The following ASXL1 variants were observed in gnomAD, a reference collection of about 807,000 sequenced individuals.
ASXL1 encodes the protein polycomb group protein ASXL1.
A neutral mutation model predicts 89.1 loss-of-function variants in ASXL1; 65 were observed. The ratio of observed to expected loss-of-function variants is 0.73; its 90% CI spans 0.60 to 0.90. ASXL1 has a LOEUF of 0.90. Ranked by LOEUF, ASXL1 falls within the 40% of genes least tolerant of loss-of-function variation. The pLI is 0.00. For synonymous variants in ASXL1, 739 were observed against 746.9 expected (o/e 0.99, Z 0.17); for missense variants, 1,786 against 1,942.9 (o/e 0.92, Z 1.52).
In ASXL1 at chr20:32,435,237, A is replaced by G. The variant is rs367751731; in HGVS notation, c.2525A>G (p.Asn842Ser). The change falls in exon 13 of 13, where the codon AAT becomes AGT. Residue 842 changes from asparagine (N) to serine (S), a missense_variant. By Grantham distance (46) the Asn-to-Ser change is conservative. This residue lies in a region of ASXL1 where 1,418 missense variants were observed against 1,427.8 expected (regional missense o/e 0.99). Transcript: ENST00000375687. ...DSHPTMKDPV[N>S]VTPSSTPESS... The stretch of plus-strand genomic sequence containing the variant: ...CATCCCACTATGAAGGATCCTGTAA[A>G]TGTGACCCCCAGTTCCACACCTGAA... 6 of 1,613,898 alleles carry G rather than the reference A, an allele frequency of 3.7e-6. No homozygotes were observed. Among genetic ancestry groups the G allele is most frequent in the South Asian group, 3.3e-5 (3 of 91,086 alleles).
chr20:32,423,917 G>T (rs367621566), intron 4 of ASXL1, among the ~76,000 whole-genome samples: 1 of 152,300 alleles, frequency 6.6e-6, no homozygotes, highest in African/African-American at 2.4e-5. Context: ...AAATTATGCA[G>T]TATTAGAATA....
intron 4 of ASXL1, among the ~76,000 whole-genome samples, chr20:32,392,982 T>C (rs1227127692): frequency 6.6e-6 from 1 of 152,210 alleles, no homozygotes; most frequent in Non-Finnish European, 1.5e-5. Flanking sequence ...GTTGATTGGC[T>C]TGTTGATTGA....
At chr20:32,372,883 G>T (rs1242690075) in intron 4 of ASXL1, among the ~76,000 whole-genome samples, 2 of 150,034 alleles carry the variant, frequency 1.3e-5, no homozygotes, top group African/African-American at 2.5e-5. Context: ...GTGAGCCACC[G>T]CGCCCAGCCT....
At chr20:32,404,217 C>T (rs868135117) in intron 4 of ASXL1, among the ~76,000 whole-genome samples, 1 of 152,148 alleles carries the variant, frequency 6.6e-6, no homozygotes, top group African/African-American at 2.4e-5. Context: ...TCTGCCTCCA[C>T]GAGATCAACT....
At position 32,422,510 on chromosome 20, in the gene ASXL1, CTTAAT is replaced by C. The variant is rs2049275385; in HGVS notation, c.253-5616_253-5612del. ...GTCTTGAAATTTGCTGAGAGTAGAT[CTTAAT>C]TGTCTTCACACTCCCCATCTCACAC... On this transcript the variant is annotated intron_variant, in intron 4 of 12. Transcript: ENST00000375687. 2.8e-5 allele frequency among the ~76,000 whole-genome samples: 4 copies of C among 142,670 alleles called. No individual in the cohort carries two copies. The South Asian group carries it at 9.7e-4, about 34-fold the overall frequency. 93.6% of individuals were successfully genotyped at this position (142,670 alleles called of 152,430 possible). A position where few individuals can be genotyped will look rare whatever the true frequency, so the allele number is the denominator to read the frequency against.
At chr20:32,368,950 G>A (rs2048249918) in intron 3 of ASXL1, 65 bp from the exon 4 acceptor site, 5 of 1,345,458 alleles carry the variant, frequency 3.7e-6, no homozygotes, top group South Asian at 1.2e-5. Flanking sequence ...TGAGTTGGAG[G>A]GATTAGGTCT....
Position 32,413,891 on chromosome 20 carries a change from C to T in ASXL1, c.253-14237C>T, listed in dbSNP as rs62206929. Among the ~76,000 whole-genome samples, 1,447 of 152,264 alleles carry T rather than the reference C, an allele frequency of 9.5e-3. 14 individuals carry two copies. Among genetic ancestry groups the T allele is most frequent in the African/African-American group, 0.023 (948 of 41,564 alleles). The stretch of plus-strand genomic sequence containing the variant: ...AATACATTTATGTAGAGCAGATTGA[C>T]GTAGAGTTGCTTCTAGAGAACAGGT... On this transcript the variant is annotated intron_variant, in intron 4 of 12. Coordinates refer to ENST00000375687, the MANE Select transcript of ASXL1 (RefSeq NM_015338.6).
intron 11 of ASXL1, 95 bp from the exon 12 acceptor site, chr20:32,433,189 C>T (rs146599654): frequency 6.4e-7 from 1 of 1,574,700 alleles, no homozygotes; most frequent in Non-Finnish European, 8.6e-7. Flanking sequence ...TTATTTTGTT[C>T]TGAGATATCT....
chr20:32,397,997 A>G (rs970478659), intron 4 of ASXL1, among the ~76,000 whole-genome samples: 10 of 152,194 alleles, frequency 6.6e-5, no homozygotes, highest in Non-Finnish European at 1.3e-4. Context: ...AAATTTACCA[A>G]TTGTAGTAGG....
chr20:32,365,391 G>A (rs1396262161), intron 1 of ASXL1, among the ~76,000 whole-genome samples: 2 of 152,156 alleles, frequency 1.3e-5, no homozygotes, highest in Non-Finnish European at 2.9e-5. Flanking sequence ...CTTCCATAGA[G>A]AGTACCTTCC....
At position 32,432,976 on chromosome 20, in the gene ASXL1, A is replaced by G. The variant is rs754808303; in HGVS notation, c.1076A>G (p.Tyr359Cys). The G allele has an allele frequency of 6.8e-6, 11 of 1,613,786 alleles. No individual in the cohort carries two copies. Among genetic ancestry groups the G allele is most frequent in the African/African-American group, 2.7e-5 (2 of 74,948 alleles). ...AAAGAAAAGTTCTTTGAAGACTACT[A>G]TGGACAGAAGTAAGGCAGTTGGAGC... Reference protein sequence around the residue: ...QWKEKFFEDYYGQKLGLTKEE... With the variant: ...QWKEKFFEDYCGQKLGLTKEE... Residue 359 changes from tyrosine (Y) to cysteine (C), a missense_variant, in exon 11 of 13, where the codon TAT becomes TGT. Coordinates refer to ENST00000375687, the MANE Select transcript of ASXL1 (RefSeq NM_015338.6).
In ASXL1 at chr20:32,435,666, T is replaced by C; in HGVS notation, c.2954T>C (p.Ile985Thr). Residue 985 changes from isoleucine (I) to threonine (T), a missense_variant, in exon 13 of 13, where the codon ATC becomes ACC. Coordinates refer to ENST00000375687, the MANE Select transcript of ASXL1 (RefSeq NM_015338.6). Reference sequence around the variant, plus strand: ...CAGGTGGACATTGAAAAGCTGAAAATCAACGGAGACTCTGAAGCACTGAGT... The same window carrying C: ...CAGGTGGACATTGAAAAGCTGAAAACCAACGGAGACTCTGAAGCACTGAGT... ...CQQVDIEKLK[I>T]NGDSEALSPH... is the part of the protein sequence containing the mutation. The C allele has an allele frequency of 6.2e-7, 1 of 1,614,036 alleles. No individual in the cohort carries two copies. The highest frequency in any genetic ancestry group is 1.7e-5 in the Admixed American group (1 of 60,018).
chr20:32,436,678 G>A lies in ASXL1; in HGVS notation c.3966G>A (p.Pro1322=), dbSNP rs147326327. The change falls in exon 13 of 13, where the codon CCG becomes CCA. Residue 1322 remains proline (P), a synonymous_variant. Coordinates refer to ENST00000375687, the MANE Select transcript of ASXL1 (RefSeq NM_015338.6). The part of the protein sequence containing the change: ...ATLQRPRPAD[P]MPLPAEIPPV... ...TTCAGCGCCCCAGGCCTGCGGACCC[G>A]ATGCCTCTTCCTGCTGAGATCCCTC... 48 of 1,613,868 alleles carry A rather than the reference G, an allele frequency of 3.0e-5. No individual in the cohort carries two copies. Among genetic ancestry groups the A allele is most frequent in the Non-Finnish European group, 3.9e-5 (46 of 1,180,052 alleles).
rs1410759251 is a variant in ASXL1 at position 32,433,504 on chromosome 20, G to T, written c.1306G>T (p.Ala436Ser). 1.9e-6 allele frequency: 3 copies of T among 1,614,204 alleles called. No individual in the cohort carries two copies. The South Asian group carries it at 3.3e-5, about 18-fold the overall frequency. Residue 436 changes from alanine to serine, a missense_variant, in exon 12 of 13, where the codon GCT (alanine) becomes TCT (serine). Ala to Ser is a moderately conservative substitution (Grantham distance 99, BLOSUM62 1). Transcript: ENST00000375687. ...KKQESEQAGV[A>S]KDAKSVASDV... ...ACAGGAGTCAGAACAAGCAGGGGTT[G>T]CTAAGGATGCAAAATCTGTGGCCTC...
chr20:32,369,148 G>A (rs750152698), intron 4 of ASXL1, 25 bp downstream of exon 4: 4 of 1,571,252 alleles, frequency 2.5e-6, no homozygotes, highest in African/African-American at 2.7e-5. Flanking sequence ...CTCTCTTTTG[G>A]TGCAGTGATT....
intron 4 of ASXL1, among the ~76,000 whole-genome samples, chr20:32,394,916 G>T (rs6087896): frequency 0.33 from 50,604 of 151,780 alleles, 9,940 homozygotes; most frequent in Middle Eastern, 0.52. Flanking sequence ...GTTTTGCCAC[G>T]TTGGCCCAGC....
chr20:32,360,806 G>GGTAA, intron 1 of ASXL1: 1 of 164,476 alleles, frequency 6.1e-6, no homozygotes, highest in East Asian at 1.3e-4. Flanking sequence ...AGGTTATCAG[G>GGTAA]GTAAGTTATT....
Position 32,433,568 on chromosome 20 carries a change from A to AC in ASXL1, c.1373dup (p.Ala459SerfsTer26). 6.2e-7 allele frequency: 1 copy of AC among 1,614,122 alleles called. No individual in the cohort carries two copies. Among genetic ancestry groups the AC allele is most frequent in the Non-Finnish European group, 8.5e-7 (1 of 1,180,034 alleles). On this transcript the variant is annotated frameshift_variant, in exon 12 of 13. Coordinates refer to ENST00000375687, the MANE Select transcript of ASXL1 (RefSeq NM_015338.6). LOFTEE classifies it high-confidence loss of function. Reference sequence around the variant, plus strand: ...TACAAGGATGGGGAGGCTAAGACTGACCCAGCAGGGCTGAGCAGTCCCCAT... The same window carrying AC: ...TACAAGGATGGGGAGGCTAAGACTGACCCCAGCAGGGCTGAGCAGTCCCCAT...
In ASXL1 at chr20:32,436,802, G is replaced by C. The variant is rs1348803364; in HGVS notation, c.4090G>C (p.Val1364Leu). 2.5e-6 allele frequency: 4 copies of C among 1,614,210 alleles called. No homozygotes were observed. Among genetic ancestry groups the C allele is most frequent in the East Asian group, 4.5e-5 (2 of 44,884 alleles). ...CTGGGCTCCAAAGCCACATGCCTTTGTTGGCAGCGTCAAGAATGAGAAGAC... is the reference window on the plus strand; with the variant it reads ...CTGGGCTCCAAAGCCACATGCCTTTCTTGGCAGCGTCAAGAATGAGAAGAC... Reference protein sequence around the residue: ...EDWAPKPHAFVGSVKNEKTFV... With the variant: ...EDWAPKPHAFLGSVKNEKTFV... Residue 1364 changes from valine (V) to leucine (L), a missense_variant, in exon 13 of 13, where the codon GTT becomes CTT. Val to Leu is a conservative substitution (Grantham distance 32). Coordinates refer to ENST00000375687, the MANE Select transcript of ASXL1 (RefSeq NM_015338.6).
Sources: allele counts gnomAD v4.1 joint callset (sites outside exome capture counted in the v4.1 genomes callset), GRCh38; gene constraint gnomAD v4.1.1; regional missense constraint gnomAD v4.1.1; transcripts MANE v1.5; gene names NCBI Gene and HGNC (gene_info 2026-07-23, HGNC 2026-07-21).